KDM4B: variants seen among roughly 807,000 people sequenced by gnomAD.
KDM4B encodes lysine-specific demethylase 4B.
A neutral mutation model predicts 125.2 loss-of-function variants in KDM4B; 32 were observed. That is an observed-to-expected ratio of 0.26 (90% CI 0.19 to 0.34). The LOEUF is 0.34. Among genes scored for constraint, KDM4B ranks in the 10% least tolerant of loss-of-function variants. KDM4B has a pLI of 1.00. For missense variants in KDM4B, 1,190 were observed against 1,577.7 expected (o/e 0.75, Z 4.16); for synonymous variants, 721 against 677.9 (o/e 1.06, Z -0.99).
At chr19:5,093,724 C>T (rs1040823201) in intron 9 of KDM4B, among the ~76,000 whole-genome samples, 12 of 152,210 alleles carry the variant, frequency 7.9e-5, no homozygotes, top group South Asian at 2.1e-4. Context: ...AGGAGTGTGA[C>T]CGCCACTCGC....
At chr19:5,085,903 A>G (rs2038477517) in intron 9 of KDM4B, among the ~76,000 whole-genome samples, 1 of 152,190 alleles carries the variant, frequency 6.6e-6, no homozygotes, top group Admixed American at 6.5e-5. Flanking sequence ...CGCCGCACAG[A>G]TGACAGAGGA....
At chr19:4,990,042 C>G (rs943860310) in intron 1 of KDM4B, among the ~76,000 whole-genome samples, 2 of 152,038 alleles carry the variant, frequency 1.3e-5, no homozygotes, top group African/African-American at 4.8e-5. Flanking sequence ...GTCATCCAAG[C>G]GCTTTGGGGG....
In KDM4B at chr19:5,071,674, T is replaced by A. The variant is rs572602726; in HGVS notation, c.676+615T>A. Among the ~76,000 whole-genome samples the A allele has an allele frequency of 1.2e-4, 18 of 152,284 alleles. No individual in the cohort carries two copies. The South Asian group carries it at 3.5e-3, about 30-fold the overall frequency. On this transcript the variant is annotated intron_variant, in intron 7 of 22. Coordinates refer to ENST00000159111, the MANE Select transcript of KDM4B (RefSeq NM_015015.3). Reference sequence around the variant, plus strand: ...GAGGGAGTGCCAGATCCTCAGGTTGTGGGATACTTGGAAACAAGTCAGACA... The same window carrying A: ...GAGGGAGTGCCAGATCCTCAGGTTGAGGGATACTTGGAAACAAGTCAGACA...
intron 1 of KDM4B, among the ~76,000 whole-genome samples, chr19:4,999,420 C>T (rs1308750867): frequency 6.6e-6 from 1 of 152,074 alleles, no homozygotes; most frequent in East Asian, 1.9e-4. Context: ...CCCTCATGGT[C>T]GATCCCTGGG....
intron 7 of KDM4B, chr19:5,074,603 G>A (rs537800151): frequency 3.3e-5 from 5 of 152,362 alleles, no homozygotes; most frequent in African/African-American, 1.2e-4. Flanking sequence ...CGGCAGGCCG[G>A]GCGGCAGGCA....
intron 6 of KDM4B, among the ~76,000 whole-genome samples, chr19:5,066,879 C>T (rs1255052083): frequency 2.0e-5 from 3 of 152,202 alleles, no homozygotes; most frequent in African/African-American, 7.2e-5. Context: ...GCTTTGAGAA[C>T]ACGGAGATGG....
At chr19:5,116,711 G>A (rs940952468) in intron 10 of KDM4B, among the ~76,000 whole-genome samples, 2 of 152,244 alleles carry the variant, frequency 1.3e-5, no homozygotes, top group South Asian at 2.1e-4. Context: ...AAAGCAGGAG[G>A]CCAGTTCCAG....
At chr19:5,122,828 C>T (rs1001409596) in intron 11 of KDM4B, among the ~76,000 whole-genome samples, 4 of 152,236 alleles carry the variant, frequency 2.6e-5, no homozygotes, top group Middle Eastern at 3.2e-3. Context: ...GTGTGCTCCT[C>T]GGACCACCAG....
At chr19:5,137,362 G>A (rs985921652) in intron 16 of KDM4B, 24 bp downstream of exon 16, 3 of 1,547,892 alleles carry the variant, frequency 1.9e-6, no homozygotes, top group African/African-American at 2.7e-5. Context: ...CGCAGCGGGG[G>A]TGGTGCTCTG....
chr19:4,986,481 A>G (rs1383821352), intron 1 of KDM4B, among the ~76,000 whole-genome samples: 1 of 152,174 alleles, frequency 6.6e-6, no homozygotes, highest in Admixed American at 6.5e-5. Context: ...ATAGCAGAAG[A>G]CAGCGAAGGC....
chr19:5,137,212 C>G, intron 15 of KDM4B, 50 bp from the exon 16 acceptor site: 2 of 1,461,290 alleles, frequency 1.4e-6, no homozygotes, highest in Non-Finnish European at 1.9e-6. Context: ...ACTCGGCTCC[C>G]CAAGTCTCAC....
chr19:5,091,135 A>T (rs1023029811), intron 9 of KDM4B, among the ~76,000 whole-genome samples: 3 of 152,232 alleles, frequency 2.0e-5, no homozygotes, highest in Non-Finnish European at 4.4e-5. Flanking sequence ...ACGCCATGTT[A>T]GATTAGCTCA....
intron 13 of KDM4B, among the ~76,000 whole-genome samples, chr19:5,133,484 G>A (rs1344616328): frequency 1.3e-5 from 2 of 152,250 alleles, no homozygotes; most frequent in African/African-American, 4.8e-5. Flanking sequence ...CCCAGGACGG[G>A]TGTAGGGCAG....
At chr19:5,079,382 A>G (rs1048741575) in intron 8 of KDM4B, among the ~76,000 whole-genome samples, 1 of 152,188 alleles carries the variant, frequency 6.6e-6, no homozygotes, top group Non-Finnish European at 1.5e-5. Flanking sequence ...GAACGAAGCC[A>G]CCAGGATGCA....
chr19:4,988,317 C>T (rs1599363204), intron 1 of KDM4B, among the ~76,000 whole-genome samples: 1 of 152,208 alleles, frequency 6.6e-6, no homozygotes, highest in Non-Finnish European at 1.5e-5. Flanking sequence ...GTTGTGTTTC[C>T]CAGGCTGGAG....
At chr19:4,992,155 C>G (rs369382109) in intron 1 of KDM4B, among the ~76,000 whole-genome samples, 9 of 152,144 alleles carry the variant, frequency 5.9e-5, no homozygotes, top group African/African-American at 2.2e-4. Context: ...ATTGCAGTGG[C>G]GGTTCCAGGA....
At chr19:5,090,033 C>CA (rs960272423) in intron 9 of KDM4B, among the ~76,000 whole-genome samples, 1 of 152,154 alleles carries the variant, frequency 6.6e-6, no homozygotes, top group Non-Finnish European at 1.5e-5. Context: ...GACAAAAACA[C>CA]AAAAACTGTG....
chr19:5,010,918 G>A (rs1414546437), intron 1 of KDM4B, among the ~76,000 whole-genome samples: 2 of 152,226 alleles, frequency 1.3e-5, no homozygotes, highest in African/African-American at 4.8e-5. Context: ...AAAGTGCTGG[G>A]ATTACAGGCG....
intron 9 of KDM4B, among the ~76,000 whole-genome samples, chr19:5,087,237 G>C (rs943240183): frequency 6.6e-6 from 1 of 152,260 alleles, no homozygotes; most frequent in African/African-American, 2.4e-5. Context: ...TTCCTTTCTA[G>C]CTGGTCTGTG....
Sources: allele counts gnomAD v4.1 joint callset (sites outside exome capture counted in the v4.1 genomes callset), GRCh38; gene constraint gnomAD v4.1.1; transcripts MANE v1.5; gene names NCBI Gene and HGNC (gene_info 2026-07-23, HGNC 2026-07-21).